The following MAP3K6 variants were observed in gnomAD, a reference collection of about 807,000 sequenced individuals.
The protein encoded by MAP3K6 is mitogen-activated protein kinase kinase kinase 6.
Under a neutral mutation model 147.1 loss-of-function variants are expected in MAP3K6, and 105 were observed. The observed-to-expected ratio is 0.71, with a 90% CI of 0.61 to 0.84. The LOEUF is 0.84. MAP3K6 is among the 40% of genes least tolerant of loss of function. The probability of loss-of-function intolerance (pLI) is 0.00; values close to 1 mark genes in which losing one functional copy is unlikely to be tolerated. For synonymous variants in MAP3K6, 695 were observed against 732.4 expected (o/e 0.95, Z 0.82); for missense variants, 1,569 against 1,715.0 (o/e 0.91, Z 1.50).
At chr1:27,362,353 T>A (rs115144918) in intron 8 of MAP3K6, 103 bp from the exon 9 acceptor site, 70,046 of 1,208,960 alleles carry the variant, frequency 0.058, 7,800 homozygotes, top group African/African-American at 0.45. Context: ...GATATGAGTA[T>A]GGCATTGAGT....
At chr1:27,363,781 A>T in intron 5 of MAP3K6, 136 bp downstream of exon 5, 1 of 936,262 alleles carries the variant, frequency 1.1e-6, no homozygotes, top group Non-Finnish European at 1.6e-6. Flanking sequence ...TCTAACAAAT[A>T]AGGAGGCCAA....
At position 27,360,883 on chromosome 1, in the gene MAP3K6, C is replaced by T. The variant is rs767301227; in HGVS notation, c.1920+38G>A. On this transcript the variant is annotated intron_variant, in intron 14 of 28. Coordinates refer to ENST00000357582, the MANE Select transcript of MAP3K6 (RefSeq NM_004672.5). The surrounding 1 kb of genome is among the most constrained non-coding windows in gnomAD (Gnocchi z 4.5). ...ATGGGAGTTCAGCAGGGCCCGCGGC[C>T]CCTCGCCCTCCGCGAGCTCCCAGTC... is the stretch of plus-strand genomic sequence containing the variant. 2 of 1,609,334 alleles carry T rather than the reference C, an allele frequency of 1.2e-6. No individual in the cohort carries two copies. Among genetic ancestry groups the T allele is most frequent in the South Asian group, 1.1e-5 (1 of 90,882 alleles).
In MAP3K6 at chr1:27,358,627, G is replaced by C. The variant is rs372661490; in HGVS notation, c.2584-16C>G. 6.2e-7 allele frequency: 1 copy of C among 1,613,342 alleles called. No homozygotes were observed. Among genetic ancestry groups the C allele is most frequent in the Non-Finnish European group, 8.5e-7 (1 of 1,179,818 alleles). On this transcript the variant is annotated splice_polypyrimidine_tract_variant and intron_variant, in intron 19 of 28. Coordinates refer to ENST00000357582, the MANE Select transcript of MAP3K6 (RefSeq NM_004672.5). The surrounding 1 kb of genome is among the most constrained non-coding windows in gnomAD (Gnocchi z 6.2). ...ACATACCCACCTGTGGGGGGAGGGT[G>C]AACAAGGGTGACATTCAGAGGTGTC... is the stretch of plus-strand genomic sequence containing the variant.
chr1:27,359,855 T>C lies in MAP3K6; in HGVS notation c.2319+3A>G, dbSNP rs1438618730. The C allele has an allele frequency of 4.3e-5, 69 of 1,614,084 alleles. No homozygotes were observed. Among genetic ancestry groups the C allele is most frequent in the Non-Finnish European group, 5.8e-5 (68 of 1,179,988 alleles). Reference sequence around the variant, plus strand: ...ATGAGGGCGGGCCAGCCCCAGGGCTTACTTTTATGTCCCTGTGCACGATGT... The same window carrying C: ...ATGAGGGCGGGCCAGCCCCAGGGCTCACTTTTATGTCCCTGTGCACGATGT... On this transcript the variant is annotated splice_donor_region_variant and intron_variant, in intron 17 of 28. Transcript: ENST00000357582. This position sits in a 1 kb window ranked among gnomAD's most constrained non-coding sequence, Gnocchi z 4.4.
In MAP3K6 at chr1:27,364,478, TCAG is replaced by T; in HGVS notation, c.505-87_505-85del. On this transcript the variant is annotated intron_variant, in intron 3 of 28. Coordinates refer to ENST00000357582, the MANE Select transcript of MAP3K6 (RefSeq NM_004672.5). The surrounding 1 kb of genome is among the most constrained non-coding windows in gnomAD (Gnocchi z 4.4). ...GGAGTGAGAGCATCAAAGGTCAGCA[TCAG>T]TGGGAATTGGAATCGCAGGAAAGGG... 3.8e-6 allele frequency: 6 copies of T among 1,565,348 alleles called. No individual in the cohort carries two copies. Among genetic ancestry groups the T allele is most frequent in the Non-Finnish European group, 4.4e-6 (5 of 1,138,678 alleles).
At chr1:27,361,296 A>G in intron 12 of MAP3K6, 44 bp from the exon 13 acceptor site, 1 of 1,613,604 alleles carries the variant, frequency 6.2e-7, no homozygotes, top group Non-Finnish European at 8.5e-7. Flanking sequence ...GCTGGGTGGC[A>G]GCGACCCTCA....
chr1:27,365,806 G>A (rs1017169496), intron 1 of MAP3K6, among the ~76,000 whole-genome samples: 1 of 151,982 alleles, frequency 6.6e-6, no homozygotes, highest in South Asian at 2.1e-4. Context: ...CAGCCTCCCG[G>A]CCCCTTTCCC....
rs2015603662 is a variant in MAP3K6 at position 27,358,063 on chromosome 1, C to G, written c.2915+118G>C. 3 of 1,507,104 alleles carry G rather than the reference C, an allele frequency of 2.0e-6. No individual in the cohort carries two copies. The African/African-American group carries it at 4.2e-5, about 21-fold the overall frequency. 93.4% of individuals were successfully genotyped at this position (1,507,104 alleles called of 1,614,324 possible). On this transcript the variant is annotated intron_variant, in intron 21 of 28. Transcript: ENST00000357582. This position sits in a 1 kb window ranked among gnomAD's most constrained non-coding sequence, Gnocchi z 6.2. The stretch of plus-strand genomic sequence containing the variant: ...TGCCAGAACAGGGCATGGGGAGGCA[C>G]CAAATGCCACATTCACAAGTGGTCA...
intron 24 of MAP3K6, 117 bp downstream of exon 24, chr1:27,356,892 C>G: frequency 7.1e-7 from 1 of 1,409,720 alleles, no homozygotes; most frequent in Non-Finnish European, 9.7e-7. Flanking sequence ...GTCACGCCCC[C>G]ACCGGCGCCT....
chr1:27,360,581 C>A lies in MAP3K6; in HGVS notation c.2054+124G>T. 6.9e-7 allele frequency: 1 copy of A among 1,443,406 alleles called. No homozygotes were observed. The highest frequency in any genetic ancestry group is 9.2e-7 in the Non-Finnish European group (1 of 1,089,434). 89.4% of individuals were successfully genotyped at this position (1,443,406 alleles called of 1,614,324 possible). A position where few individuals can be genotyped will look rare whatever the true frequency, so the allele number is the denominator to read the frequency against. On this transcript the variant is annotated intron_variant, in intron 15 of 28. Transcript: ENST00000357582. This position sits in a 1 kb window ranked among gnomAD's most constrained non-coding sequence, Gnocchi z 4.5. Reference sequence around the variant, plus strand: ...CCGCCCACGGGCCCAGTCCACAGGGCTCGAACTCTCAGGTCCTACGAGCCC... The same window carrying A: ...CCGCCCACGGGCCCAGTCCACAGGGATCGAACTCTCAGGTCCTACGAGCCC...
At chr1:27,362,286 G>C (rs1180621131) in intron 8 of MAP3K6, 36 bp from the exon 9 acceptor site, 1 of 1,577,228 alleles carries the variant, frequency 6.3e-7, no homozygotes, top group Non-Finnish European at 8.6e-7. Context: ...GTGAGTGTGG[G>C]TGCAGGGGTG....
intron 11 of MAP3K6, 59 bp from the exon 12 acceptor site, chr1:27,361,454 TG>T: frequency 6.2e-7 from 1 of 1,610,862 alleles, no homozygotes; most frequent in Non-Finnish European, 8.5e-7. Context: ...GGTCTGAGGA[TG>T]GGAGAAAGGC....
At position 27,358,011 on chromosome 1, in the gene MAP3K6, G is replaced by C; in HGVS notation, c.2916-135C>G. 1 of 1,475,840 alleles carries C rather than the reference G, an allele frequency of 6.8e-7. No individual in the cohort carries two copies. The highest frequency in any genetic ancestry group is 9.0e-7 in the Non-Finnish European group (1 of 1,114,156). 91.4% of individuals were successfully genotyped at this position (1,475,840 alleles called of 1,614,324 possible). ...TGAACATAGATAAACCCCGCACTGAGAGGACACAACAAGTCCAAGTTAGAG... is the reference window on the plus strand; with the variant it reads ...TGAACATAGATAAACCCCGCACTGACAGGACACAACAAGTCCAAGTTAGAG... On this transcript the variant is annotated intron_variant, in intron 21 of 28. Transcript: ENST00000357582. The surrounding 1 kb of genome is among the most constrained non-coding windows in gnomAD (Gnocchi z 6.2).
rs745653596 is a variant in MAP3K6 at position 27,360,243 on chromosome 1, C to T, written c.2180G>A (p.Gly727Glu). ...YLKIFMEEVPGGSLSSLLRSV... is the reference protein window; with the variant it reads ...YLKIFMEEVPEGSLSSLLRSV... The stretch of plus-strand genomic sequence containing the variant: ...CCCATCCCACACAGGGCAGGTACCT[C>T]CAGGCACTTCCTCCATGAAGATCTT... Residue 727 changes from glycine to glutamate, a missense_variant and splice_region_variant, in exon 16 of 29, where the codon GGA becomes GAA. Coordinates refer to ENST00000357582, the MANE Select transcript of MAP3K6 (RefSeq NM_004672.5). The surrounding 1 kb of genome is among the most constrained non-coding windows in gnomAD (Gnocchi z 4.5). The T allele has an allele frequency of 6.2e-7, 1 of 1,614,040 alleles. No homozygotes were observed. The highest frequency in any genetic ancestry group is 8.5e-7 in the Non-Finnish European group (1 of 1,179,958).
At position 27,359,789 on chromosome 1, in the gene MAP3K6, T is replaced by G; in HGVS notation, c.2319+69A>C. 1 of 1,600,560 alleles carries G rather than the reference T, an allele frequency of 6.2e-7. No homozygotes were observed. The highest frequency in any genetic ancestry group is 8.5e-7 in the Non-Finnish European group (1 of 1,170,190). Reference sequence around the variant, plus strand: ...GCTCACTTAATCTAAACTGCCAGCCTGCGTCTGGGACCATGTTTCCTTCCC... The same window carrying G: ...GCTCACTTAATCTAAACTGCCAGCCGGCGTCTGGGACCATGTTTCCTTCCC... On this transcript the variant is annotated intron_variant, in intron 17 of 28. Transcript: ENST00000357582. The surrounding 1 kb of genome is among the most constrained non-coding windows in gnomAD (Gnocchi z 4.4).
Position 27,358,667 on chromosome 1 carries a change from G to A in MAP3K6, c.2583+42C>T, listed in dbSNP as rs938453120. 1 of 1,613,438 alleles carries A rather than the reference G, an allele frequency of 6.2e-7. No homozygotes were observed. Among genetic ancestry groups the A allele is most frequent in the African/African-American group, 1.3e-5 (1 of 74,904 alleles). On this transcript the variant is annotated intron_variant, in intron 19 of 28. Coordinates refer to ENST00000357582, the MANE Select transcript of MAP3K6 (RefSeq NM_004672.5). The surrounding 1 kb of genome is among the most constrained non-coding windows in gnomAD (Gnocchi z 6.2). ...TCAGAGGTGTCCAAGGCCCAGGCTG[G>A]CCCTATGCCACTTCCATGGGCCAGG...
intron 27 of MAP3K6, 127 bp from the exon 28 acceptor site, chr1:27,355,872 G>T: frequency 8.7e-7 from 1 of 1,153,278 alleles, no homozygotes; most frequent in Non-Finnish European, 1.3e-6. Context: ...CTGGGCCTCA[G>T]TTTTCTCATC....
In MAP3K6 at chr1:27,358,468, C is replaced by T. The variant is rs2015621966; in HGVS notation, c.2727G>A (p.Gly909=). Residue 909 remains glycine, a synonymous_variant, in exon 20 of 29, where the codon GGG becomes GGA. Coordinates refer to ENST00000357582, the MANE Select transcript of MAP3K6 (RefSeq NM_004672.5). The surrounding 1 kb of genome is among the most constrained non-coding windows in gnomAD (Gnocchi z 6.2). ...GGGAGCTGGGGCTGCGGCTCCTTTT[C>T]CCAGGCTGCAGGAAGGGGTCCCCCA... is the stretch of plus-strand genomic sequence containing the variant. The part of the protein sequence containing the change: ...TLLGDPFLQP[G]KRSRSPSSPR... The T allele has an allele frequency of 6.3e-7, 1 of 1,594,010 alleles. No individual in the cohort carries two copies. The highest frequency in any genetic ancestry group is 2.2e-5 in the East Asian group (1 of 44,826).
rs1571072702 is a variant in MAP3K6 at position 27,361,993 on chromosome 1, C to T, written c.1415+98G>A. Reference sequence around the variant, plus strand: ...CCACGGGCACTGGTCTAAAAGCAGCCAGGTCATTGGCTCAGGGTTCAGTCT... The same window carrying T: ...CCACGGGCACTGGTCTAAAAGCAGCTAGGTCATTGGCTCAGGGTTCAGTCT... On this transcript the variant is annotated intron_variant, in intron 9 of 28. Coordinates refer to ENST00000357582, the MANE Select transcript of MAP3K6 (RefSeq NM_004672.5). 5.2e-6 allele frequency: 8 copies of T among 1,526,212 alleles called. No individual in the cohort carries two copies. In the East Asian group the frequency reaches 1.8e-4, roughly 35 times the overall value. 94.5% of individuals were successfully genotyped at this position (1,526,212 alleles called of 1,614,324 possible). A position where few individuals can be genotyped will look rare whatever the true frequency, so the allele number is the denominator to read the frequency against.
Sources: allele counts gnomAD v4.1 joint callset (sites outside exome capture counted in the v4.1 genomes callset), GRCh38; gene constraint gnomAD v4.1.1; non-coding constraint Gnocchi (gnomAD v3.1); transcripts MANE v1.5; gene names NCBI Gene and HGNC (gene_info 2026-07-23, HGNC 2026-07-21).